Variants in PLOD2 observed in about 807,000 individuals in gnomAD.
PLOD2 encodes the protein lysine hydroxylase 2.
PLOD2 carries 65 observed loss-of-function variants against 101.0 expected under a neutral mutation model. The ratio of observed to expected loss-of-function variants is 0.64; its 90% CI spans 0.53 to 0.79. The LOEUF (loss-of-function observed/expected upper bound fraction) is 0.79, where lower values mean the gene tolerates loss of function less well. PLOD2 is among the 30% of genes least tolerant of loss of function. The pLI is 0.00. For synonymous variants in PLOD2, 314 were observed against 302.9 expected, an observed-to-expected ratio of 1.04 and a Z score of -0.38; for missense variants, 909 against 914.6, an observed-to-expected ratio of 0.99 and a Z score of 0.08.
chr3:146,070,700 A>C lies in PLOD2; in HGVS notation c.*17T>G, dbSNP rs752599919. 3 of 1,556,510 alleles carry C rather than the reference A, an allele frequency of 1.9e-6. No individual in the cohort carries two copies. The highest frequency in any genetic ancestry group is 1.4e-5 in the African/African-American group (1 of 73,508). On this transcript the variant is annotated 3_prime_UTR_variant, in exon 20 of 20. Coordinates refer to ENST00000282903, the MANE Select transcript of PLOD2 (RefSeq NM_182943.3). ...ATTCATCCAAAATAAATTTCAATTC[A>C]ATGAAAAGTAAATAACTTAGGGATC...
chr3:146,121,247 A>C lies in PLOD2; in HGVS notation c.203T>G (p.Val68Gly). 1 of 1,612,114 alleles carries C rather than the reference A, an allele frequency of 6.2e-7. No individual in the cohort carries two copies. Among genetic ancestry groups the C allele is most frequent in the South Asian group, 1.1e-5 (1 of 91,044 alleles). ...TCTCCATTCTTCTCCTTGACCAAGGACCTATAAACAAAATCAACATTTCAT... is the reference window on the plus strand; with the variant it reads ...TCTCCATTCTTCTCCTTGACCAAGGCCCTATAAACAAAATCAACATTTCAT... ...SAKYFNYTVK[V>G]LGQGEEWRGG... The change falls in exon 3 of 20, where the codon GTC (valine) becomes GGC (glycine). Residue 68 changes from valine to glycine, a missense_variant and splice_region_variant. By Grantham distance (109) the Val-to-Gly change is moderately radical (BLOSUM62 -3). Transcript: ENST00000282903.
At chr3:146,101,276 A>C (rs1446778741) in intron 7 of PLOD2, among the ~76,000 whole-genome samples, 1 of 152,208 alleles carries the variant, frequency 6.6e-6, no homozygotes, top group Non-Finnish European at 1.5e-5. Flanking sequence ...ATGGAAAAGA[A>C]AAGGAAGAGG....
intron 1 of PLOD2, among the ~76,000 whole-genome samples, chr3:146,159,299 A>T (rs923920615): frequency 2.6e-5 from 4 of 152,326 alleles, no homozygotes; most frequent in Middle Eastern, 3.4e-3. Flanking sequence ...AATCCATTAA[A>T]AGTTTACTGT....
intron 1 of PLOD2, among the ~76,000 whole-genome samples, chr3:146,149,052 A>C (rs967548922): frequency 1.3e-5 from 2 of 152,226 alleles, no homozygotes; most frequent in Non-Finnish European, 2.9e-5. Flanking sequence ...CATTTTACAT[A>C]AGCATAATTT....
At chr3:146,099,248 C>A (rs569604599) in intron 7 of PLOD2, among the ~76,000 whole-genome samples, 33 of 152,224 alleles carry the variant, frequency 2.2e-4, no homozygotes, top group Admixed American at 3.9e-4. Flanking sequence ...ATTAGTGCTC[C>A]TTTTCTTGTG....
intron 15 of PLOD2, chr3:146,076,004 C>A (rs1185750618): frequency 6.6e-6 from 1 of 151,660 alleles, no homozygotes; most frequent in East Asian, 1.9e-4. Flanking sequence ...GTGTATAATG[C>A]ATGATGCTAA....
In PLOD2 at chr3:146,072,659, G is replaced by C. The variant is rs1332203608; in HGVS notation, c.1750C>G (p.Pro584Ala). 6.3e-7 allele frequency: 1 copy of C among 1,592,124 alleles called. No homozygotes were observed. Among genetic ancestry groups the C allele is most frequent in the South Asian group, 1.1e-5 (1 of 90,630 alleles). Reference sequence around the variant, plus strand: ...AATATGGGGAACCAAAAGACATCTGGACAGGGCTATAAAATATGCATCATC... The same window carrying C: ...AATATGGGGAACCAAAAGACATCTGCACAGGGCTATAAAATATGCATCATC... Reference protein sequence around the residue: ...FTENIVEQPCPDVFWFPIFSE... With the variant: ...FTENIVEQPCADVFWFPIFSE... Residue 584 changes from proline (P) to alanine (A), a missense_variant, in exon 17 of 20, where the codon CCA (proline) becomes GCA (alanine). By Grantham distance (27) the Pro-to-Ala change is conservative. Coordinates refer to ENST00000282903, the MANE Select transcript of PLOD2 (RefSeq NM_182943.3).
chr3:146,078,075 GCA>G, intron 13 of PLOD2, 151 bp from the exon 14 acceptor site: 1 of 677,302 alleles, frequency 1.5e-6, no homozygotes, highest in Non-Finnish European at 2.7e-6. Context: ...AAAGCTTATA[GCA>G]CACACAAAGA....
At position 146,154,613 on chromosome 3, in the gene PLOD2, C is replaced by A. The variant is rs539791973; in HGVS notation, c.109+6268G>T. On this transcript the variant is annotated intron_variant, in intron 1 of 19. Transcript: ENST00000282903. ...AAACTTTAAACCTAATTTCTTATAG[C>A]GGAAAAGAAATTGTAAACATGAAGC... is the stretch of plus-strand genomic sequence containing the variant. Among the ~76,000 whole-genome samples the A allele has an allele frequency of 4.4e-3, 662 of 152,064 alleles. 3 individuals carry two copies. Among genetic ancestry groups the A allele is most frequent in the African/African-American group, 0.011 (476 of 41,498 alleles).
intron 16 of PLOD2, 29 bp from the exon 17 acceptor site, chr3:146,072,694 C>T: frequency 7.6e-7 from 1 of 1,310,534 alleles, no homozygotes; most frequent in Non-Finnish European, 1.1e-6. Context: ...CGTTAGAAGA[C>T]ATAATAACTT....
intron 9 of PLOD2, among the ~76,000 whole-genome samples, chr3:146,087,939 C>G (rs747307113): frequency 2.0e-5 from 3 of 151,652 alleles, no homozygotes; most frequent in Non-Finnish European, 4.4e-5. Flanking sequence ...GGTAAACAAA[C>G]AGTATTAGGA....
At chr3:146,151,930 C>T (rs1347505761) in intron 1 of PLOD2, among the ~76,000 whole-genome samples, 1 of 152,110 alleles carries the variant, frequency 6.6e-6, no homozygotes, top group African/African-American at 2.4e-5. Flanking sequence ...TGTTGGCATA[C>T]ATTTGCATCT....
chr3:146,160,709 AGGGACCAGCGCCGCCC>A (rs2032532446), intron 1 of PLOD2, 156 bp downstream of exon 1: 2 of 589,522 alleles, frequency 3.4e-6, no homozygotes, highest in Non-Finnish European at 6.1e-6. Context: ...ACACTTCCCC[AGGGACCAGCGCCGCCC>A]GACCGCAATT....
chr3:146,139,813 G>A (rs540964689), intron 1 of PLOD2, among the ~76,000 whole-genome samples: 2 of 152,214 alleles, frequency 1.3e-5, no homozygotes, highest in African/African-American at 4.8e-5. Flanking sequence ...CAGCACTAGG[G>A]AAGAAATATC....
Position 146,086,825 on chromosome 3 carries a change from T to C in PLOD2, c.1089A>G (p.Glu363=), listed in dbSNP as rs564587677. 5.2e-6 allele frequency: 8 copies of C among 1,524,894 alleles called. No homozygotes were observed. In the East Asian group the frequency reaches 1.9e-4, roughly 35 times the overall value. The allele number at this position is 1,524,894 out of a possible 1,614,324, so 94.5% of individuals were successfully genotyped here. A position where few individuals can be genotyped will look rare whatever the true frequency, so the allele number is the denominator to read the frequency against. The change falls in exon 10 of 20, where the codon GAA becomes GAG. Residue 363 remains glutamate (E), a synonymous_variant. Transcript: ENST00000282903. ...TGGCTTCCGCTTGACTTAGATTTTCTTCTGGTCCTACTATTTTTATAGTTT... is the reference window on the plus strand; with the variant it reads ...TGGCTTCCGCTTGACTTAGATTTTCCTCTGGTCCTACTATTTTTATAGTTT... ...EIKTIKIVGP[E]ENLSQAEARN...
intron 1 of PLOD2, among the ~76,000 whole-genome samples, chr3:146,135,235 A>C (rs2031164720): frequency 2.0e-5 from 3 of 152,164 alleles, no homozygotes. Context: ...TCCTCCCCTA[A>C]CAAGTTGCTG....
At chr3:146,148,338 G>GCGCGCACA (rs71633958) in intron 1 of PLOD2, among the ~76,000 whole-genome samples, 53 of 146,546 alleles carry the variant, frequency 3.6e-4, no homozygotes, top group African/African-American at 1.3e-3. Flanking sequence ...AGGCAGGCAC[G>GCGCGCACA]CACACACACA....
chr3:146,141,987 T>A (rs2031547376), intron 1 of PLOD2, among the ~76,000 whole-genome samples: 1 of 152,078 alleles, frequency 6.6e-6, no homozygotes, highest in South Asian at 2.1e-4. Context: ...AACAGGGGAA[T>A]GGGATTCAAC....
At chr3:146,095,898 C>T (rs1298162017) in intron 7 of PLOD2, among the ~76,000 whole-genome samples, 1 of 144,896 alleles carries the variant, frequency 6.9e-6, no homozygotes, top group Non-Finnish European at 1.5e-5. Context: ...CCCTCTCCCC[C>T]CTCCCCCCTC....
Sources: gnomAD v4.1 joint callset for allele counts (sites outside exome capture counted in the v4.1 genomes callset) on GRCh38, gnomAD v4.1.1 for gene constraint, MANE v1.5 for transcripts, NCBI Gene and HGNC (gene_info 2026-07-23, HGNC 2026-07-21) for gene names.